ACAD10: variants seen among roughly 807,000 people sequenced by gnomAD.
The protein encoded by ACAD10 is ACAD-10.
Under a neutral mutation model 116.8 loss-of-function variants are expected in ACAD10, and 112 were observed. That is an observed-to-expected ratio of 0.96 (90% CI 0.82 to 1.12). ACAD10 has a LOEUF of 1.12. ACAD10 is among the 50% of genes most tolerant of loss of function. The probability of loss-of-function intolerance (pLI) is 0.00; values close to 1 mark genes in which losing one functional copy is unlikely to be tolerated. For missense variants in ACAD10, 1,259 were observed against 1,350.2 expected (o/e 0.93, Z 1.06); for synonymous variants, 486 against 510.6 (o/e 0.95, Z 0.65).
intron 12 of ACAD10, among the ~76,000 whole-genome samples, chr12:111,740,201 C>T (rs1158322694): frequency 6.6e-6 from 1 of 152,104 alleles, no homozygotes; most frequent in Non-Finnish European, 1.5e-5. Context: ...TGATGGCTCA[C>T]GCCGGTAATC....
intron 12 of ACAD10, among the ~76,000 whole-genome samples, chr12:111,743,545 A>G (rs916459140): frequency 2.0e-5 from 3 of 151,564 alleles, no homozygotes; most frequent in African/African-American, 7.3e-5. Context: ...CATGTTGACC[A>G]GGCTGGTCTC....
chr12:111,690,430 T>G (rs1340641053), intron 1 of ACAD10: 1 of 152,032 alleles, frequency 6.6e-6, no homozygotes, highest in East Asian at 1.9e-4. Context: ...CTCAAAAAGT[T>G]TTGGATTTTG....
At chr12:111,698,483 CT>C (rs796227879) in intron 2 of ACAD10, among the ~76,000 whole-genome samples, 78 of 139,882 alleles carry the variant, frequency 5.6e-4, no homozygotes, top group Admixed American at 7.3e-4. Flanking sequence ...TTCAGTAAAC[CT>C]TTTTTTTTTT....
chr12:111,756,616 A>C lies in ACAD10; in HGVS notation c.*143A>C. ...TCCCGGGACAGTCAGGGTGGACTCA[A>C]TCTTTCTGGTTCTCCACAGAAGACG... On this transcript the variant is annotated 3_prime_UTR_variant, in exon 21 of 21. Transcript: ENST00000313698. The C allele has an allele frequency of 7.7e-7, 1 of 1,302,478 alleles. No homozygotes were observed. Among genetic ancestry groups the C allele is most frequent in the Non-Finnish European group, 1.1e-6 (1 of 935,444 alleles). 80.7% of individuals were successfully genotyped at this position (1,302,478 alleles called of 1,614,324 possible).
In ACAD10 at chr12:111,737,013, A is replaced by G; in HGVS notation, c.1714+9A>G. ...CAAGCGATCACTCACAGGTAATGGGATGGCTGCCCTGAAGAGCCACTGCGG... is the reference window on the plus strand; with the variant it reads ...CAAGCGATCACTCACAGGTAATGGGGTGGCTGCCCTGAAGAGCCACTGCGG... On this transcript the variant is annotated intron_variant, in intron 12 of 20. Coordinates refer to ENST00000313698, the MANE Select transcript of ACAD10 (RefSeq NM_025247.6). 6.2e-7 allele frequency: 1 copy of G among 1,612,492 alleles called. No homozygotes were observed. The highest frequency in any genetic ancestry group is 2.2e-5 in the East Asian group (1 of 44,846).
intron 14 of ACAD10, 76 bp downstream of exon 14, chr12:111,746,360 C>T (rs1889899843): frequency 6.8e-7 from 1 of 1,470,286 alleles, no homozygotes; most frequent in African/African-American, 1.5e-5. Context: ...AACAGATAAA[C>T]CAGATTCAGA....
chr12:111,719,927 C>T (rs1888968600), intron 7 of ACAD10, among the ~76,000 whole-genome samples: 1 of 151,936 alleles, frequency 6.6e-6, no homozygotes. Flanking sequence ...CGGAGTTTCA[C>T]CATGTTAGCT....
At chr12:111,746,037 GT>G in intron 13 of ACAD10, 106 bp from the exon 14 acceptor site, 1 of 1,453,752 alleles carries the variant, frequency 6.9e-7, no homozygotes, top group Non-Finnish European at 9.3e-7. Context: ...ACACGTGCAT[GT>G]TTGGTTGTCT....
chr12:111,728,387 T>G (rs1249772469), intron 9 of ACAD10, among the ~76,000 whole-genome samples: 1 of 152,136 alleles, frequency 6.6e-6, no homozygotes, highest in African/African-American at 2.4e-5. Flanking sequence ...TTTTCATTTT[T>G]TCTTTTTTTC....
chr12:111,755,357 C>T (rs1282781189), intron 19 of ACAD10, among the ~76,000 whole-genome samples: 4 of 152,264 alleles, frequency 2.6e-5, no homozygotes, highest in South Asian at 4.1e-4. Flanking sequence ...CTGCCCGCCT[C>T]GGCCTCCCAA....
At chr12:111,723,901 C>A (rs1160328797) in intron 8 of ACAD10, among the ~76,000 whole-genome samples, 2 of 151,690 alleles carry the variant, frequency 1.3e-5, no homozygotes, top group Admixed American at 1.3e-4. Flanking sequence ...CTCCTCACCT[C>A]CCAGACGGGG....
intron 7 of ACAD10, among the ~76,000 whole-genome samples, chr12:111,719,860 T>A (rs1002331216): frequency 2.6e-5 from 4 of 152,138 alleles, no homozygotes; most frequent in African/African-American, 7.2e-5. Flanking sequence ...CCCGAGTAGA[T>A]GGGACTACAG....
chr12:111,727,352 GTC>G (rs1044605989), intron 8 of ACAD10, among the ~76,000 whole-genome samples: 8 of 152,014 alleles, frequency 5.3e-5, no homozygotes, highest in Admixed American at 4.6e-4. Context: ...GTGAAATCCT[GTC>G]TCTACTCAAA....
At position 111,729,894 on chromosome 12, in the gene ACAD10, C is replaced by G. The variant is rs540444011; in HGVS notation, c.1332C>G (p.Ile444Met). 7 of 1,614,014 alleles carry G rather than the reference C, an allele frequency of 4.3e-6. No homozygotes were observed. In the African/African-American group the frequency reaches 8.0e-5, roughly 18 times the overall value. Residue 444 changes from isoleucine (I) to methionine (M), a missense_variant, in exon 10 of 21, where the codon ATC becomes ATG. Coordinates refer to ENST00000313698, the MANE Select transcript of ACAD10 (RefSeq NM_025247.6). The part of the protein sequence containing the change: ...TSTIPAMERL[I>M]EWLPLHLPRQ... Reference sequence around the variant, plus strand: ...CCATCCCAGCCATGGAGAGGCTGATCGAATGGCTGCCCCTCCATCTTCCCC... The same window carrying G: ...CCATCCCAGCCATGGAGAGGCTGATGGAATGGCTGCCCCTCCATCTTCCCC...
chr12:111,753,443 G>A (rs1384908097), intron 18 of ACAD10: 1 of 524,304 alleles, frequency 1.9e-6, no homozygotes, highest in Non-Finnish European at 3.7e-6. Context: ...TGCTGGCTCA[G>A]ATCTATAACT....
At chr12:111,749,477 G>A (rs1365398301) in intron 18 of ACAD10, 132 bp downstream of exon 18, 2 of 1,224,366 alleles carry the variant, frequency 1.6e-6, no homozygotes, top group Non-Finnish European at 2.2e-6. Context: ...TTGCCAAGAA[G>A]TTGCATTCCT....
chr12:111,726,731 C>A (rs1044090537), intron 8 of ACAD10, among the ~76,000 whole-genome samples: 1 of 152,052 alleles, frequency 6.6e-6, no homozygotes, highest in Non-Finnish European at 1.5e-5. Flanking sequence ...TGTGGTGGCA[C>A]ATACCTGTAG....
chr12:111,728,486 A>C (rs1269112893), intron 9 of ACAD10, among the ~76,000 whole-genome samples: 1 of 151,890 alleles, frequency 6.6e-6, no homozygotes, highest in Non-Finnish European at 1.5e-5. Context: ...TAGGTATTTA[A>C]AATGTATTTT....
intron 2 of ACAD10, among the ~76,000 whole-genome samples, chr12:111,700,390 C>T (rs1341720460): frequency 6.6e-6 from 1 of 152,118 alleles, no homozygotes; most frequent in Admixed American, 6.6e-5. Flanking sequence ...TTGTACATAA[C>T]CTTTGCTTAC....
Sources: gnomAD v4.1 joint callset for allele counts (sites outside exome capture counted in the v4.1 genomes callset) on GRCh38, gnomAD v4.1.1 for gene constraint, MANE v1.5 for transcripts, NCBI Gene and HGNC (gene_info 2026-07-23, HGNC 2026-07-21) for gene names.